CADM2: variants seen among roughly 807,000 people sequenced by gnomAD.
CADM2 encodes immunoglobulin superfamily member 4D.
CADM2 carries 12 observed loss-of-function variants against 49.8 expected under a neutral mutation model. The observed-to-expected ratio is 0.24, with a 90% CI of 0.15 to 0.39. CADM2 has a LOEUF of 0.39. Among genes scored for constraint, CADM2 ranks in the 10% least tolerant of loss-of-function variants. CADM2 has a pLI of 1.00. For missense variants in CADM2, 378 were observed against 492.3 expected, an observed-to-expected ratio of 0.77 and a Z score of 2.20; for synonymous variants, 214 against 175.4, an observed-to-expected ratio of 1.22 and a Z score of -1.74.
At chr3:86,023,488 G>A (rs1330012912) in intron 8 of CADM2, among the ~76,000 whole-genome samples, 2 of 151,906 alleles carry the variant, frequency 1.3e-5, no homozygotes, top group Non-Finnish European at 2.9e-5. Flanking sequence ...CCTCCTGAGT[G>A]CCTGGGATTC....
At chr3:85,631,471 A>G (rs2107522885) in intron 1 of CADM2, among the ~76,000 whole-genome samples, 1 of 152,254 alleles carries the variant, frequency 6.6e-6, no homozygotes, top group Non-Finnish European at 1.5e-5. Flanking sequence ...CACCAATTTG[A>G]AAACAGAAAA....
At chr3:85,288,422 T>C (rs1195811524) in intron 1 of CADM2, among the ~76,000 whole-genome samples, 2 of 152,152 alleles carry the variant, frequency 1.3e-5, no homozygotes, top group Admixed American at 6.6e-5. Flanking sequence ...TATTGTTAGA[T>C]AATTTTTGTT....
At chr3:85,595,624 A>G (rs1241464935) in intron 1 of CADM2, among the ~76,000 whole-genome samples, 2 of 152,016 alleles carry the variant, frequency 1.3e-5, no homozygotes, top group East Asian at 3.9e-4. Context: ...AACCTTTTAT[A>G]TCCTAGATTA....
intron 1 of CADM2, among the ~76,000 whole-genome samples, chr3:85,605,551 A>G (rs192852806): frequency 6.6e-6 from 1 of 152,190 alleles, no homozygotes; most frequent in East Asian, 1.9e-4. Context: ...GGTGAAAATT[A>G]GAATCCAGAC....
chr3:85,666,335 A>G (rs1040715272), intron 1 of CADM2, among the ~76,000 whole-genome samples: 23 of 152,024 alleles, frequency 1.5e-4, no homozygotes, highest in African/African-American at 5.3e-4. Context: ...TATTCCACCT[A>G]TGATGACATC....
intron 5 of CADM2, among the ~76,000 whole-genome samples, chr3:85,903,503 C>T (rs1014097064): frequency 1.3e-5 from 2 of 152,130 alleles, no homozygotes; most frequent in South Asian, 4.1e-4. Flanking sequence ...TCTTTTAGCA[C>T]TTGGGATATG....
chr3:85,116,604 T>C (rs1256085975), intron 1 of CADM2, among the ~76,000 whole-genome samples: 2 of 152,182 alleles, frequency 1.3e-5, no homozygotes, highest in African/African-American at 4.8e-5. Context: ...CATTATATAC[T>C]TCTCAATGAA....
chr3:85,930,065 GA>G (rs1720397588), intron 6 of CADM2, among the ~76,000 whole-genome samples: 1 of 152,004 alleles, frequency 6.6e-6, no homozygotes, highest in African/African-American at 2.4e-5. Context: ...CATGTTTAAA[GA>G]GGAATAATTT....
At chr3:85,387,319 G>T (rs1023506820) in intron 1 of CADM2, among the ~76,000 whole-genome samples, 1 of 152,128 alleles carries the variant, frequency 6.6e-6, no homozygotes, top group Admixed American at 6.6e-5. Flanking sequence ...AAGCAAATAC[G>T]AGTTAGTGTA....
intron 2 of CADM2, among the ~76,000 whole-genome samples, chr3:85,793,283 C>G (rs1437930838): frequency 6.6e-6 from 1 of 152,136 alleles, no homozygotes; most frequent in South Asian, 2.1e-4. Flanking sequence ...CTGAAACTAA[C>G]TTAGATGGTT....
At chr3:85,087,863 G>C (rs2037443658) in intron 1 of CADM2, among the ~76,000 whole-genome samples, 3 of 152,008 alleles carry the variant, frequency 2.0e-5, no homozygotes, top group Non-Finnish European at 4.4e-5. Flanking sequence ...AACTGCCCCA[G>C]TTTTTTCCAA....
At chr3:85,679,938 AT>A (rs2065993140) in intron 1 of CADM2, among the ~76,000 whole-genome samples, 2 of 152,170 alleles carry the variant, frequency 1.3e-5, no homozygotes, top group Non-Finnish European at 2.9e-5. Flanking sequence ...AATTCAGATG[AT>A]TTATAACACA....
intron 1 of CADM2, among the ~76,000 whole-genome samples, chr3:85,023,824 T>C (rs2107301046): frequency 6.6e-6 from 1 of 152,184 alleles, no homozygotes; most frequent in South Asian, 2.1e-4. Flanking sequence ...CTTGAAATAG[T>C]TGTGTTCTCT....
intron 2 of CADM2, among the ~76,000 whole-genome samples, chr3:85,757,415 C>G (rs752417877): frequency 3.3e-4 from 50 of 151,924 alleles, no homozygotes; most frequent in Non-Finnish European, 6.6e-4. Flanking sequence ...AGTCCCAATA[C>G]TTTAATTTTT....
At position 85,419,836 on chromosome 3, in the gene CADM2, G is replaced by C. The variant is rs141161782; in HGVS notation, c.62-306686G>C. 2.4e-3 allele frequency among the ~76,000 whole-genome samples: 365 copies of C among 152,154 alleles called. 2 individuals are homozygous for C. Among genetic ancestry groups the C allele is most frequent in the African/African-American group, 8.4e-3 (349 of 41,484 alleles). ...ACTAAATCAATGGTTTTCAAACTTT[G>C]GTGTGCTTCAGAATCACCTGGAGAG... On this transcript the variant is annotated intron_variant, in intron 1 of 9. Coordinates refer to ENST00000383699, the MANE Select transcript of CADM2 (RefSeq NM_001167675.2).
chr3:85,266,591 A>G (rs1234142745), intron 1 of CADM2, among the ~76,000 whole-genome samples: 3 of 76,466 alleles, frequency 3.9e-5, no homozygotes, highest in Non-Finnish European at 9.5e-5. Context: ...AATTATTTTT[A>G]TGAAACTAGA....
intron 1 of CADM2, among the ~76,000 whole-genome samples, chr3:85,552,927 T>C (rs771468778): frequency 6.6e-6 from 1 of 152,164 alleles, no homozygotes; most frequent in Non-Finnish European, 1.5e-5. Context: ...TCCACCTGCC[T>C]CGGCCTCCCA....
intron 2 of CADM2, among the ~76,000 whole-genome samples, chr3:85,746,136 C>T (rs1389555584): frequency 6.6e-6 from 1 of 152,058 alleles, no homozygotes; most frequent in African/African-American, 2.4e-5. Flanking sequence ...TTTAAAATTT[C>T]CCCAAAGAGC....
chr3:85,812,680 C>A (rs1366515403), intron 3 of CADM2, among the ~76,000 whole-genome samples: 1 of 152,076 alleles, frequency 6.6e-6, no homozygotes, highest in Non-Finnish European at 1.5e-5. Context: ...AGTATTTCTA[C>A]TAATGTTATC....
Sources: gnomAD v4.1 joint callset for allele counts (sites outside exome capture counted in the v4.1 genomes callset) on GRCh38, gnomAD v4.1.1 for gene constraint, MANE v1.5 for transcripts, NCBI Gene and HGNC (gene_info 2026-07-23, HGNC 2026-07-21) for gene names.